Variants in PCDHGA2 observed in about 807,000 individuals in gnomAD.
PCDHGA2 encodes the protein protocadherin gamma subfamily A, 2.
Under a neutral mutation model 59.2 loss-of-function variants are expected in PCDHGA2, and 40 were observed. The ratio of observed to expected loss-of-function variants is 0.68; its 90% CI spans 0.52 to 0.88. The LOEUF is 0.88. PCDHGA2 is among the 40% of genes least tolerant of loss of function. The probability of loss-of-function intolerance (pLI) is 0.00; values close to 1 mark genes in which losing one functional copy is unlikely to be tolerated. For synonymous variants in PCDHGA2, 560 were observed against 526.0 expected (o/e 1.06, Z -0.89); for missense variants, 1,226 against 1,204.0 (o/e 1.02, Z -0.27).
At chr5:141,418,077 T>G (rs770464447) in intron 1 of PCDHGA2, 4 of 1,613,914 alleles carry the variant, frequency 2.5e-6, no homozygotes, top group African/African-American at 1.3e-5. Context: ...GCGGAGAAGC[T>G]GCACTTCAGC....
chr5:141,461,269 TTC>T (rs1316205976), intron 1 of PCDHGA2, among the ~76,000 whole-genome samples: 4 of 152,186 alleles, frequency 2.6e-5, no homozygotes, highest in Admixed American at 2.0e-4. Flanking sequence ...TGTGTAAGTG[TTC>T]TCTTTTCCCC....
intron 1 of PCDHGA2, chr5:141,398,032 C>A: frequency 6.8e-7 from 1 of 1,469,940 alleles, no homozygotes; most frequent in South Asian, 1.4e-5. Flanking sequence ...GGAACTGGAA[C>A]TAAAGCCCGT....
At chr5:141,422,963 C>T (rs372620011) in intron 1 of PCDHGA2, 43 of 1,614,120 alleles carry the variant, frequency 2.7e-5, no homozygotes, top group Middle Eastern at 1.6e-4. Context: ...GTGGAGCTGG[C>T]GCCCCGCTCT....
chr5:141,404,164 G>A, intron 1 of PCDHGA2: 2 of 1,613,126 alleles, frequency 1.2e-6, no homozygotes, highest in South Asian at 2.2e-5. Context: ...ATTACAGATT[G>A]TTGACGGCCC....
intron 1 of PCDHGA2, chr5:141,427,922 G>A: frequency 6.3e-7 from 1 of 1,580,742 alleles, no homozygotes; most frequent in Non-Finnish European, 8.6e-7. Flanking sequence ...ACATGAGCCG[G>A]CGCATGTTGG....
intron 1 of PCDHGA2, chr5:141,350,142 T>A: frequency 2.4e-6 from 2 of 831,992 alleles, no homozygotes; most frequent in Non-Finnish European, 3.4e-6. Flanking sequence ...ACGCTGCTCC[T>A]GTTCACCCTC....
At chr5:141,410,746 C>T in intron 1 of PCDHGA2, 1 of 1,269,920 alleles carries the variant, frequency 7.9e-7, no homozygotes, top group Non-Finnish European at 1.1e-6. Flanking sequence ...ACAATATTTT[C>T]TCAATGTTTT....
intron 1 of PCDHGA2, chr5:141,383,142 C>A (rs1778858149): frequency 1.2e-6 from 2 of 1,614,006 alleles, no homozygotes; most frequent in Admixed American, 3.3e-5. Flanking sequence ...ACCAGCGCAG[C>A]GGCAGCTTGG....
At chr5:141,364,489 G>T in intron 1 of PCDHGA2, 1 of 1,614,034 alleles carries the variant, frequency 6.2e-7, no homozygotes, top group Non-Finnish European at 8.5e-7. Flanking sequence ...AGGACCTTGG[G>T]CTGGAGCCCC....
intron 1 of PCDHGA2, among the ~76,000 whole-genome samples, chr5:141,433,664 C>G (rs1027404017): frequency 6.6e-6 from 1 of 151,966 alleles, no homozygotes; most frequent in South Asian, 2.1e-4. Flanking sequence ...GGAGAAACCC[C>G]GTCTATACTA....
chr5:141,422,314 C>G (rs1207977453), intron 1 of PCDHGA2: 2 of 1,547,838 alleles, frequency 1.3e-6, no homozygotes, highest in Non-Finnish European at 1.7e-6. Context: ...AAACTCTCCT[C>G]CAGGTACAGT....
intron 1 of PCDHGA2, among the ~76,000 whole-genome samples, chr5:141,467,591 T>C (rs765816743): frequency 3.3e-5 from 5 of 152,360 alleles, no homozygotes; most frequent in South Asian, 4.1e-4. Flanking sequence ...ATGCCATTTA[T>C]TAAGCACTTC....
intron 1 of PCDHGA2, chr5:141,388,337 A>G (rs1256150334): frequency 6.2e-7 from 1 of 1,613,990 alleles, no homozygotes; most frequent in Non-Finnish European, 8.5e-7. Context: ...CTGGCACACG[A>G]TTTATATTAG....
At chr5:141,416,497 T>G (rs1426816820) in intron 1 of PCDHGA2, 3 of 152,116 alleles carry the variant, frequency 2.0e-5, no homozygotes, top group Non-Finnish European at 4.4e-5. Context: ...GAGCAAGAGA[T>G]ATATGACAAA....
At chr5:141,347,541 C>A (rs529535883) in intron 1 of PCDHGA2, among the ~76,000 whole-genome samples, 1 of 152,120 alleles carries the variant, frequency 6.6e-6, no homozygotes, top group African/African-American at 2.4e-5. Context: ...AATCCCAGCA[C>A]TTTGGGAGGC....
At chr5:141,361,253 A>G (rs772309054) in intron 1 of PCDHGA2, 1 of 1,613,952 alleles carries the variant, frequency 6.2e-7, no homozygotes, top group South Asian at 1.1e-5. Context: ...AAAACGAGAG[A>G]CAGAGACTCT....
chr5:141,354,600 A>T (rs1759588601), intron 1 of PCDHGA2, among the ~76,000 whole-genome samples: 1 of 152,218 alleles, frequency 6.6e-6, no homozygotes, highest in African/African-American at 2.4e-5. Flanking sequence ...CCAGACCTCC[A>T]AGTTCCTGTC....
intron 1 of PCDHGA2, among the ~76,000 whole-genome samples, chr5:141,450,829 A>AT (rs373424450): frequency 7.2e-4 from 97 of 135,128 alleles, no homozygotes; most frequent in East Asian, 1.8e-3. Flanking sequence ...TATTATTATT[A>AT]TTTTTTTTTT....
intron 1 of PCDHGA2, chr5:141,422,645 T>C: frequency 6.2e-7 from 1 of 1,612,232 alleles, no homozygotes; most frequent in Non-Finnish European, 8.5e-7. Flanking sequence ...GCCTCCATCT[T>C]CTCAGTGACC....
Sources: gnomAD v4.1 joint callset for allele counts (sites outside exome capture counted in the v4.1 genomes callset) on GRCh38, gnomAD v4.1.1 for gene constraint, MANE v1.5 for transcripts, NCBI Gene and HGNC (gene_info 2026-07-23, HGNC 2026-07-21) for gene names.